Variants in NRXN1 observed in about 807,000 individuals in gnomAD.
The protein encoded by NRXN1 is neurexin-1.
NRXN1 carries 39 observed loss-of-function variants against 150.9 expected under a neutral mutation model. The ratio of observed to expected loss-of-function variants is 0.26; its 90% CI spans 0.20 to 0.34. NRXN1 has a LOEUF of 0.34. Among genes scored for constraint, NRXN1 ranks in the 10% least tolerant of loss-of-function variants. The pLI is 1.00. For synonymous variants in NRXN1, 924 were observed against 757.0 expected (o/e 1.22, Z -3.62); for missense variants, 1,815 against 1,949.9 (o/e 0.93, Z 1.30).
chr2:50,880,411 T>C (rs759114886), intron 5 of NRXN1, among the ~76,000 whole-genome samples: 1 of 151,970 alleles, frequency 6.6e-6, no homozygotes, highest in African/African-American at 2.4e-5. Context: ...TGTAGAATAG[T>C]CATATGTGAT....
chr2:50,731,057 A>C (rs919367702), intron 5 of NRXN1, among the ~76,000 whole-genome samples: 1 of 152,166 alleles, frequency 6.6e-6, no homozygotes, highest in Admixed American at 6.5e-5. Flanking sequence ...ATTACTAATT[A>C]CAATCTTCTT....
chr2:50,445,445 C>A (rs192315783), intron 17 of NRXN1, among the ~76,000 whole-genome samples: 1 of 152,246 alleles, frequency 6.6e-6, no homozygotes, highest in African/African-American at 2.4e-5. Context: ...AAACAATTTA[C>A]AAGGAGGCTG....
chr2:50,958,288 G>A (rs561858452), intron 2 of NRXN1, among the ~76,000 whole-genome samples: 2 of 152,172 alleles, frequency 1.3e-5, no homozygotes, highest in East Asian at 1.9e-4. Flanking sequence ...TGTGTACCCA[G>A]TAGAATTCTA....
At chr2:50,764,021 C>A (rs1368219203) in intron 5 of NRXN1, among the ~76,000 whole-genome samples, 1 of 142,752 alleles carries the variant, frequency 7.0e-6, no homozygotes, top group Non-Finnish European at 1.5e-5. Context: ...TCCGTTGGCC[C>A]TTTTTTTTTT....
chr2:51,001,363 T>G (rs562269430), intron 2 of NRXN1, among the ~76,000 whole-genome samples: 13 of 152,002 alleles, frequency 8.6e-5, no homozygotes, highest in African/African-American at 2.9e-4. Flanking sequence ...GAACATCAGT[T>G]TGTTGGTGCC....
chr2:50,486,683 G>A (rs970540268), intron 15 of NRXN1, among the ~76,000 whole-genome samples: 5 of 151,970 alleles, frequency 3.3e-5, no homozygotes, highest in African/African-American at 1.2e-4. Context: ...GGAGGGGAGA[G>A]GGAGGAGAGA....
chr2:50,486,338 A>G (rs1369365748), intron 15 of NRXN1, among the ~76,000 whole-genome samples: 1 of 152,168 alleles, frequency 6.6e-6, no homozygotes, highest in Non-Finnish European at 1.5e-5. Flanking sequence ...CCAAGCCATA[A>G]GATAGTTTTT....
intron 8 of NRXN1, among the ~76,000 whole-genome samples, chr2:50,566,920 T>C (rs2105431962): frequency 6.6e-6 from 1 of 152,260 alleles, no homozygotes; most frequent in South Asian, 2.1e-4. Context: ...GTAAAGGGAC[T>C]CCTTATCCCT....
intron 5 of NRXN1, among the ~76,000 whole-genome samples, chr2:50,741,466 T>C (rs1280238501): frequency 2.0e-5 from 3 of 152,222 alleles, no homozygotes; most frequent in African/African-American, 7.2e-5. Context: ...ATATCAGAAG[T>C]TGAGGATCAC....
chr2:50,017,224 A>G (rs72889514), intron 21 of NRXN1, among the ~76,000 whole-genome samples: 4,854 of 152,244 alleles, frequency 0.032, 254 homozygotes, highest in African/African-American at 0.11. Flanking sequence ...AAGCATTATT[A>G]TTATTTATGC....
intron 17 of NRXN1, among the ~76,000 whole-genome samples, chr2:50,385,749 C>A (rs570687177): frequency 6.6e-6 from 1 of 152,220 alleles, no homozygotes; most frequent in East Asian, 1.9e-4. Flanking sequence ...ATTTCCCATA[C>A]TGGTCAACAA....
intron 17 of NRXN1, among the ~76,000 whole-genome samples, chr2:50,252,856 G>C (rs13004741): frequency 0.41 from 62,769 of 151,854 alleles, 13,175 homozygotes; most frequent in Middle Eastern, 0.46. Context: ...ATGCCTCCAG[G>C]TTTATTCTCT....
intron 5 of NRXN1, among the ~76,000 whole-genome samples, chr2:50,651,533 A>G (rs1476212222): frequency 6.6e-6 from 1 of 151,986 alleles, no homozygotes; most frequent in Non-Finnish European, 1.5e-5. Flanking sequence ...ACATAACATA[A>G]CATAAAATAC....
intron 21 of NRXN1, among the ~76,000 whole-genome samples, chr2:50,040,005 AG>A (rs1433899862): frequency 1.3e-5 from 2 of 152,190 alleles, no homozygotes; most frequent in Non-Finnish European, 2.9e-5. Context: ...AACTGAGATT[AG>A]TATTGGATAA....
Position 50,871,987 on chromosome 2 carries a change from T to C in NRXN1, c.832+49882A>G, listed in dbSNP as rs543119681. Among the ~76,000 whole-genome samples the C allele has an allele frequency of 4.6e-5, 7 of 151,914 alleles. No homozygotes were observed. The South Asian group carries it at 1.0e-3, about 22-fold the overall frequency. ...TTTAATGTAATAAAACTACTTCATT[T>C]TCCCTGTAGAGAATTTGAAATATTT... On this transcript the variant is annotated intron_variant, in intron 5 of 22. Transcript: ENST00000401669.
chr2:50,159,666 A>G (rs2059241956), intron 18 of NRXN1, among the ~76,000 whole-genome samples: 1 of 152,180 alleles, frequency 6.6e-6, no homozygotes, highest in African/African-American at 2.4e-5. Flanking sequence ...CTATTCAAAG[A>G]TGCAACCTTG....
intron 5 of NRXN1, among the ~76,000 whole-genome samples, chr2:50,740,002 C>A (rs72837046): frequency 0.13 from 19,670 of 152,152 alleles, 1,858 homozygotes; most frequent in East Asian, 0.3. Context: ...AGCTCCTTAG[C>A]CTTTATATCA....
At chr2:50,476,721 T>C (rs1239422793) in intron 15 of NRXN1, among the ~76,000 whole-genome samples, 2 of 152,152 alleles carry the variant, frequency 1.3e-5, no homozygotes, top group African/African-American at 4.8e-5. Flanking sequence ...ATTTTTTCTA[T>C]TGGATTTAGT....
At chr2:49,974,507 C>G (rs1190871551) in intron 21 of NRXN1, among the ~76,000 whole-genome samples, 1 of 152,108 alleles carries the variant, frequency 6.6e-6, no homozygotes, top group Non-Finnish European at 1.5e-5. Flanking sequence ...TTTTCCCCAG[C>G]CCTTAAACTG....
Sources: gnomAD v4.1 joint callset for allele counts (sites outside exome capture counted in the v4.1 genomes callset) on GRCh38, gnomAD v4.1.1 for gene constraint, MANE v1.5 for transcripts, NCBI Gene and HGNC (gene_info 2026-07-23, HGNC 2026-07-21) for gene names.